Variants in MYL4 observed in about 807,000 individuals in gnomAD.
MYL4 encodes the protein atrial myosin light chain 1.
Under a neutral mutation model 21.6 loss-of-function variants are expected in MYL4, and 16 were observed. The observed-to-expected ratio is 0.74, with a 90% CI of 0.50 to 1.12. The LOEUF is 1.12. Ranked by LOEUF, MYL4 falls within the 50% of genes most tolerant of loss-of-function variation. MYL4 has a pLI of 0.00. For synonymous variants in MYL4, 82 were observed against 95.7 expected (o/e 0.86, Z 0.83); for missense variants, 249 against 252.9 (o/e 0.98, Z 0.11).
chr17:47,202,820 C>T (rs184788057), intron 1 of MYL4, among the ~76,000 whole-genome samples: 1 of 152,256 alleles, frequency 6.6e-6, no homozygotes, highest in East Asian at 1.9e-4. Context: ...CAATTAGAAT[C>T]TTCTGCATAC....
At chr17:47,193,564 G>A in the MYL4 span, among the ~76,000 whole-genome samples, 1 of 151,856 alleles carries the variant, frequency 6.6e-6, no homozygotes, top group Non-Finnish European at 1.5e-5. Context: ...CACTGCGCCT[G>A]GCCTACTGCT....
intron 2 of MYL4, 86 bp from the exon 3 acceptor site, chr17:47,219,818 C>G (rs950340664): frequency 5.6e-5 from 84 of 1,494,952 alleles, no homozygotes; most frequent in Non-Finnish European, 7.5e-5. Flanking sequence ...CACTCACCTG[C>G]TATTCAGCTT....
At chr17:47,224,661 T>C (rs2064878485), downstream of MYL4, among the ~76,000 whole-genome samples, 1 of 152,218 alleles carries the variant, frequency 6.6e-6, no homozygotes, top group Non-Finnish European at 1.5e-5. Context: ...TAGCACAATG[T>C]CCTCGTGTTC....
At chr17:47,201,343 T>C (rs1417826177) in intron 1 of MYL4, among the ~76,000 whole-genome samples, 1 of 152,128 alleles carries the variant, frequency 6.6e-6, no homozygotes, top group Non-Finnish European at 1.5e-5. Context: ...CCCTCCTTGG[T>C]GGGAAGGATT....
At chr17:47,191,645 A>G in the MYL4 span, among the ~76,000 whole-genome samples, 1 of 152,008 alleles carries the variant, frequency 6.6e-6, no homozygotes, top group African/African-American at 2.4e-5. Flanking sequence ...TAATTTTTGT[A>G]TTTTTAGTAG....
intron 2 of MYL4, among the ~76,000 whole-genome samples, chr17:47,214,793 G>A (rs761216681): frequency 2.0e-5 from 3 of 152,110 alleles, no homozygotes; most frequent in Non-Finnish European, 4.4e-5. Flanking sequence ...AAATCAAGCC[G>A]TGTGATACAC....
chr17:47,223,333 A>G (rs2064870637), intron 6 of MYL4, 176 bp from the exon 7 acceptor site: 8 of 432,298 alleles, frequency 1.9e-5, no homozygotes, highest in Middle Eastern at 6.0e-4. Context: ...CCTCCTGTAC[A>G]GGCTCCTGGG....
chr17:47,196,869 AT>A (rs2064690709), upstream of MYL4, among the ~76,000 whole-genome samples: 1 of 152,054 alleles, frequency 6.6e-6, no homozygotes. Context: ...ATATTATAAA[AT>A]ATATAAATAT....
At chr17:47,212,291 C>G (rs2064782000) in intron 1 of MYL4, among the ~76,000 whole-genome samples, 1 of 152,208 alleles carries the variant, frequency 6.6e-6, no homozygotes, top group South Asian at 2.1e-4. Context: ...CTCTTCTGTA[C>G]TCAGCATTAA....
At chr17:47,224,946 A>G (rs1256838370), downstream of MYL4, among the ~76,000 whole-genome samples, 3 of 152,216 alleles carry the variant, frequency 2.0e-5, no homozygotes, top group East Asian at 5.8e-4. Flanking sequence ...ATTGGGAAGA[A>G]GGAGCAAGAT....
the MYL4 span, among the ~76,000 whole-genome samples, chr17:47,189,986 T>A: frequency 2.0e-5 from 3 of 152,078 alleles, no homozygotes; most frequent in Non-Finnish European, 4.4e-5. Context: ...AAAAAAAAGT[T>A]TAAAATGGAG....
At chr17:47,215,261 CT>C (rs2064805510) in intron 2 of MYL4, among the ~76,000 whole-genome samples, 2 of 152,320 alleles carry the variant, frequency 1.3e-5, no homozygotes, top group Non-Finnish European at 2.9e-5. Context: ...CACAATGACA[CT>C]AGTGAGGACT....
upstream of MYL4, among the ~76,000 whole-genome samples, chr17:47,207,925 C>T (rs181945818): frequency 2.0e-5 from 3 of 152,346 alleles, no homozygotes; most frequent in South Asian, 2.1e-4. Flanking sequence ...TCCATCCTGA[C>T]TCCTCCAATA....
chr17:47,223,368 A>G (rs2064871049), intron 6 of MYL4, 141 bp from the exon 7 acceptor site: 1 of 353,706 alleles, frequency 2.8e-6, no homozygotes, highest in Admixed American at 4.3e-5. Flanking sequence ...TCCCAAGTGG[A>G]AGAGAAGGTC....
At chr17:47,216,974 G>C (rs545456454) in intron 2 of MYL4, among the ~76,000 whole-genome samples, 1 of 152,134 alleles carries the variant, frequency 6.6e-6, no homozygotes, top group African/African-American at 2.4e-5. Context: ...GATTACAGGC[G>C]TGAGCCACTG....
intron 6 of MYL4, 180 bp from the exon 7 acceptor site, chr17:47,223,329 G>A (rs1051022583): frequency 1.1e-5 from 5 of 440,360 alleles, no homozygotes; most frequent in Admixed American, 7.5e-5. Flanking sequence ...GGGGCCTCCT[G>A]TACAGGCTCC....
At chr17:47,197,182 T>A (rs1427809859), upstream of MYL4, among the ~76,000 whole-genome samples, 1 of 144,488 alleles carries the variant, frequency 6.9e-6, no homozygotes, top group Non-Finnish European at 1.5e-5. Flanking sequence ...CACTGCAAGC[T>A]CCACCTCCCG....
chr17:47,215,934 G>A (rs1458058388), intron 2 of MYL4, among the ~76,000 whole-genome samples: 1 of 152,044 alleles, frequency 6.6e-6, no homozygotes. Context: ...TGTACTACAG[G>A]CATGTACCAT....
At chr17:47,191,475 A>G in the MYL4 span, among the ~76,000 whole-genome samples, 1 of 150,036 alleles carries the variant, frequency 6.7e-6, no homozygotes, top group Non-Finnish European at 1.5e-5. Flanking sequence ...TTGTATTTAC[A>G]TTTTTTTTTT....
Sources: gnomAD v4.1 joint callset for allele counts (sites outside exome capture counted in the v4.1 genomes callset) on GRCh38, gnomAD v4.1.1 for gene constraint, MANE v1.5 for transcripts, NCBI Gene and HGNC (gene_info 2026-07-23, HGNC 2026-07-21) for gene names.